The following LGALSL variants were observed in gnomAD, a reference collection of about 807,000 sequenced individuals.
The protein encoded by LGALSL is galectin like, also known as galectin-related protein.
In LGALSL, 13 loss-of-function variants were observed where a neutral mutation model predicts 19.5. That is an observed-to-expected ratio of 0.67 (90% CI 0.43 to 1.06). The LOEUF (loss-of-function observed/expected upper bound fraction) is 1.06. Among genes scored for constraint, LGALSL ranks in the 50% least tolerant of loss-of-function variants. The pLI is 0.00. For synonymous variants in LGALSL, 86 were observed against 78.3 expected (o/e 1.10, Z -0.52); for missense variants, 189 against 219.3 (o/e 0.86, Z 0.87).
chr2:64,455,405 T>G lies in LGALSL; in HGVS notation c.98T>G (p.Phe33Cys), dbSNP rs1397698685. The G allele has an allele frequency of 1.2e-6, 2 of 1,612,506 alleles. No homozygotes were observed. The highest frequency in any genetic ancestry group is 1.3e-5 in the African/African-American group (1 of 74,890). Residue 33 changes from phenylalanine (F) to cysteine (C), a missense_variant, in exon 2 of 5, where the codon TTC becomes TGC. Coordinates refer to ENST00000238875, the MANE Select transcript of LGALSL (RefSeq NM_014181.3). The stretch of plus-strand genomic sequence containing the variant: ...TCTCCAGTTCAAGCGGACGTGTACT[T>G]CCCACGACTGGTAAATGATTTTGCT... ...LSSPVQADVY[F>C]PRLIVPFCGH...
rs921983482 is a variant in LGALSL at position 64,461,135 on chromosome 2, A to G, written c.*2707A>G. 2.6e-5 allele frequency: 4 copies of G among 152,200 alleles called. No individual in the cohort carries two copies. The highest frequency in any genetic ancestry group is 6.5e-5 in the Admixed American group (1 of 15,280). The allele number at this position is 152,200 out of a possible 1,614,324, so 9.4% of individuals were successfully genotyped here. On this transcript the variant is annotated 3_prime_UTR_variant, in exon 5 of 5. Transcript: ENST00000238875. ...ACTTTTAGAATTGAGGATTTGTTAA[A>G]ATGGCAAGTCATTTCATTTGTGTTA...
chr2:64,456,239 A>G (rs749505282), intron 3 of LGALSL, 49 bp from the exon 4 acceptor site: 1 of 1,541,318 alleles, frequency 6.5e-7, no homozygotes, highest in Admixed American at 1.9e-5. Flanking sequence ...GGTCATTTTG[A>G]AATGTTTTTA....
At chr2:64,455,738 T>G in intron 3 of LGALSL, 61 bp downstream of exon 3, 1 of 1,281,382 alleles carries the variant, frequency 7.8e-7, no homozygotes, top group Non-Finnish European at 1.1e-6. Flanking sequence ...TGCCCACTTC[T>G]GTTGTGGTTT....
At position 64,461,158 on chromosome 2, in the gene LGALSL, T is replaced by G. The variant is rs527903134; in HGVS notation, c.*2730T>G. 1 of 152,190 alleles carries G rather than the reference T, an allele frequency of 6.6e-6. No individual in the cohort carries two copies. Among genetic ancestry groups the G allele is most frequent in the Non-Finnish European group, 1.5e-5 (1 of 68,020 alleles). The allele number at this position is 152,190 out of a possible 1,614,324, so 9.4% of individuals were successfully genotyped here. Reference sequence around the variant, plus strand: ...AAAATGGCAAGTCATTTCATTTGTGTTAAAAAGAAAATACCCAAAAGGAAG... The same window carrying G: ...AAAATGGCAAGTCATTTCATTTGTGGTAAAAAGAAAATACCCAAAAGGAAG... On this transcript the variant is annotated 3_prime_UTR_variant, in exon 5 of 5. Transcript: ENST00000238875.
Position 64,461,055 on chromosome 2 carries a change from T to G in LGALSL, c.*2627T>G, listed in dbSNP as rs1686817780. The G allele has an allele frequency of 6.6e-6, 1 of 152,200 alleles. No individual in the cohort carries two copies. The highest frequency in any genetic ancestry group is 1.5e-5 in the Non-Finnish European group (1 of 68,038). The allele number at this position is 152,200 out of a possible 1,614,324, so 9.4% of individuals were successfully genotyped here. On this transcript the variant is annotated 3_prime_UTR_variant, in exon 5 of 5. Transcript: ENST00000238875. ...GTATTTTAAAATTATTATTTAAAAT[T>G]TTGAAGCCCCATTTCAAATCTTGCC... is the stretch of plus-strand genomic sequence containing the variant.
chr2:64,458,284 G>C lies in LGALSL; in HGVS notation c.376-1G>C. ...GTGGATTATTATTTTGTTTCTTCCAGGTGGAAATTCTTTGTGAGCACCCAC... is the reference window on the plus strand; with the variant it reads ...GTGGATTATTATTTTGTTTCTTCCACGTGGAAATTCTTTGTGAGCACCCAC... On this transcript the variant is annotated splice_acceptor_variant, in intron 4 of 4. Transcript: ENST00000238875. LOFTEE classifies it high-confidence loss of function. 1 of 1,613,500 alleles carries C rather than the reference G, an allele frequency of 6.2e-7. No homozygotes were observed. The highest frequency in any genetic ancestry group is 8.5e-7 in the Non-Finnish European group (1 of 1,179,708).
At position 64,459,591 on chromosome 2, in the gene LGALSL, G is replaced by A. The variant is rs927296915; in HGVS notation, c.*1163G>A. ...TTCAGAGTAGAAGATGCTTCCTACT[G>A]TGTTGGCTCTGAGGAGATAGTAGGA... On this transcript the variant is annotated 3_prime_UTR_variant, in exon 5 of 5. Coordinates refer to ENST00000238875, the MANE Select transcript of LGALSL (RefSeq NM_014181.3). 2 of 152,188 alleles carry A rather than the reference G, an allele frequency of 1.3e-5. No homozygotes were observed. Among genetic ancestry groups the A allele is most frequent in the South Asian group, 2.1e-4 (1 of 4,834 alleles). The allele number at this position is 152,188 out of a possible 1,614,324, so 9.4% of individuals were successfully genotyped here.
intron 3 of LGALSL, among the ~76,000 whole-genome samples, 168 bp downstream of exon 3, chr2:64,455,845 A>T (rs1489429309): frequency 1.3e-5 from 2 of 152,156 alleles, no homozygotes; most frequent in East Asian, 3.9e-4. Flanking sequence ...AATCCCAGCC[A>T]TCATTTCTCC....
Position 64,456,313 on chromosome 2 carries a change from G to A in LGALSL, c.223G>A (p.Asp75Asn). The change falls in exon 4 of 5, where the codon GAC becomes AAC. Residue 75 changes from aspartate (D) to asparagine (N), a missense_variant. Asp to Asn is a conservative substitution (Grantham distance 23). Around this residue, in one of 3 missense-constraint regions of LGALSL, gnomAD observed 21 missense variants for 51.0 expected, o/e 0.41. Transcript: ENST00000238875. ...ESFAISLTCGDSEDPPADVAI... is the reference protein window; with the variant it reads ...ESFAISLTCGNSEDPPADVAI... ...CTTTGCAATCAGCTTGACCTGTGGGGACTCAGAAGACCCTCCTGCCGATGT... is the reference window on the plus strand; with the variant it reads ...CTTTGCAATCAGCTTGACCTGTGGGAACTCAGAAGACCCTCCTGCCGATGT... The A allele has an allele frequency of 6.2e-7, 1 of 1,612,052 alleles. No homozygotes were observed. Among genetic ancestry groups the A allele is most frequent in the East Asian group, 2.2e-5 (1 of 44,694 alleles).
Position 64,454,491 on chromosome 2 carries a change from C to CG in LGALSL, c.-52dup, listed in dbSNP as rs2103704624. ...GCCCCCGCCCCGCGCAGGACAGCCC[C>CG]GGGATCCCCGCCCGCGCGCCGCGTC... is the stretch of plus-strand genomic sequence containing the variant. On this transcript the variant is annotated 5_prime_UTR_variant, in exon 1 of 5. Transcript: ENST00000238875. The surrounding 1 kb of genome is among the most constrained non-coding windows in gnomAD (Gnocchi z 5.1). 8.0e-7 allele frequency: 1 copy of CG among 1,254,512 alleles called. No individual in the cohort carries two copies. Among genetic ancestry groups the CG allele is most frequent in the African/African-American group, 1.6e-5 (1 of 63,194 alleles). 77.7% of individuals were successfully genotyped at this position (1,254,512 alleles called of 1,614,324 possible).
intron 4 of LGALSL, among the ~76,000 whole-genome samples, chr2:64,457,663 A>G (rs1686758125): frequency 6.6e-6 from 1 of 152,174 alleles, no homozygotes; most frequent in African/African-American, 2.4e-5. Flanking sequence ...CATTCTGGGG[A>G]AAATAAGAAT....
rs890136946 is a variant in LGALSL, at chr2:64,454,865, G to T, written c.36+284G>T. On this transcript the variant is annotated intron_variant, in intron 1 of 4. Coordinates refer to ENST00000238875, the MANE Select transcript of LGALSL (RefSeq NM_014181.3). The surrounding 1 kb of genome is among the most constrained non-coding windows in gnomAD (Gnocchi z 5.1). ...TCTGTGCCGTGCAACCGCCAGCCAG[G>T]TGTGCGCGTGGGTGAGTGTGTCCGG... Among the ~76,000 whole-genome samples, 1 of 151,280 alleles carries T rather than the reference G, an allele frequency of 6.6e-6. No homozygotes were observed. The highest frequency in any genetic ancestry group is 2.4e-5 in the African/African-American group (1 of 41,176).
chr2:64,455,517 C>A, intron 2 of LGALSL, 72 bp from the exon 3 acceptor site: 1 of 1,503,446 alleles, frequency 6.7e-7, no homozygotes, highest in Non-Finnish European at 9.3e-7. Flanking sequence ...TGGGTCAGGC[C>A]TTCAGGGTCT....
Position 64,459,386 on chromosome 2 carries a change from T to C in LGALSL, c.*958T>C, listed in dbSNP as rs1686783236. ...TTGCTTAGACAATTTTTAAAGTGAC[T>C]ATAGTATAAACTTTTAAAAGAATAA... On this transcript the variant is annotated 3_prime_UTR_variant, in exon 5 of 5. Transcript: ENST00000238875. 1 of 152,232 alleles carries C rather than the reference T, an allele frequency of 6.6e-6. No individual in the cohort carries two copies. The highest frequency in any genetic ancestry group is 1.5e-5 in the Non-Finnish European group (1 of 68,034). 9.4% of individuals were successfully genotyped at this position (152,232 alleles called of 1,614,324 possible).
In LGALSL at chr2:64,458,488, G is replaced by T; in HGVS notation, c.*60G>T. On this transcript the variant is annotated 3_prime_UTR_variant, in exon 5 of 5. Transcript: ENST00000238875. ...CCACAACTATCTGACTGTTGGTCTG[G>T]AAGAAGTGTCCTAGCAAGATCTGGA... is the stretch of plus-strand genomic sequence containing the variant. 1.3e-6 allele frequency: 2 copies of T among 1,509,452 alleles called. No homozygotes were observed. The highest frequency in any genetic ancestry group is 9.1e-7 in the Non-Finnish European group (1 of 1,101,194). 93.5% of individuals were successfully genotyped at this position (1,509,452 alleles called of 1,614,324 possible).
chr2:64,461,155 G>A lies in LGALSL; in HGVS notation c.*2727G>A, dbSNP rs1345132664. The A allele has an allele frequency of 2.0e-5, 3 of 152,164 alleles. No individual in the cohort carries two copies. Among genetic ancestry groups the A allele is most frequent in the Non-Finnish European group, 4.4e-5 (3 of 68,020 alleles). 9.4% of individuals were successfully genotyped at this position (152,164 alleles called of 1,614,324 possible). A position where few individuals can be genotyped will look rare whatever the true frequency, so the allele number is the denominator to read the frequency against. On this transcript the variant is annotated 3_prime_UTR_variant, in exon 5 of 5. Transcript: ENST00000238875. Reference sequence around the variant, plus strand: ...GTTAAAATGGCAAGTCATTTCATTTGTGTTAAAAAGAAAATACCCAAAAGG... The same window carrying A: ...GTTAAAATGGCAAGTCATTTCATTTATGTTAAAAAGAAAATACCCAAAAGG...
In LGALSL at chr2:64,458,488, G is replaced by A. The variant is rs1686771623; in HGVS notation, c.*60G>A. Reference sequence around the variant, plus strand: ...CCACAACTATCTGACTGTTGGTCTGGAAGAAGTGTCCTAGCAAGATCTGGA... The same window carrying A: ...CCACAACTATCTGACTGTTGGTCTGAAAGAAGTGTCCTAGCAAGATCTGGA... On this transcript the variant is annotated 3_prime_UTR_variant, in exon 5 of 5. Coordinates refer to ENST00000238875, the MANE Select transcript of LGALSL (RefSeq NM_014181.3). The A allele has an allele frequency of 1.3e-6, 2 of 1,509,334 alleles. No homozygotes were observed. The highest frequency in any genetic ancestry group is 1.8e-6 in the Non-Finnish European group (2 of 1,101,202). The allele number at this position is 1,509,334 out of a possible 1,614,324, so 93.5% of individuals were successfully genotyped here.
rs1183240356 is a variant in LGALSL, at chr2:64,460,189, C to G, written c.*1761C>G. The G allele has an allele frequency of 6.6e-6, 1 of 152,026 alleles. No homozygotes were observed. Among genetic ancestry groups the G allele is most frequent in the Non-Finnish European group, 1.5e-5 (1 of 68,004 alleles). The allele number at this position is 152,026 out of a possible 1,614,324, so 9.4% of individuals were successfully genotyped here. A position where few individuals can be genotyped will look rare whatever the true frequency, so the allele number is the denominator to read the frequency against. On this transcript the variant is annotated 3_prime_UTR_variant, in exon 5 of 5. Coordinates refer to ENST00000238875, the MANE Select transcript of LGALSL (RefSeq NM_014181.3). ...ACTTTGAAACTGTTTAGCACAGTTCCATTGTATTATATAAGAAGACACTGT... is the reference window on the plus strand; with the variant it reads ...ACTTTGAAACTGTTTAGCACAGTTCGATTGTATTATATAAGAAGACACTGT...
At position 64,454,448 on chromosome 2, in the gene LGALSL, G is replaced by C. The variant is rs973360119; in HGVS notation, c.-98G>C. ...TCGTGTGTGCGCGCGCCCGCCGCCAGCTCGGACCCGCGCCCCCGCCCCCGC... is the reference window on the plus strand; with the variant it reads ...TCGTGTGTGCGCGCGCCCGCCGCCACCTCGGACCCGCGCCCCCGCCCCCGC... On this transcript the variant is annotated 5_prime_UTR_variant, in exon 1 of 5. Transcript: ENST00000238875. The surrounding 1 kb of genome is among the most constrained non-coding windows in gnomAD (Gnocchi z 5.1). 5 of 586,212 alleles carry C rather than the reference G, an allele frequency of 8.5e-6. No individual in the cohort carries two copies. The African/African-American group carries it at 1.0e-4, about 12-fold the overall frequency. 36.3% of individuals were successfully genotyped at this position (586,212 alleles called of 1,614,324 possible).
Sources: gnomAD v4.1 joint callset for allele counts (sites outside exome capture counted in the v4.1 genomes callset) on GRCh38, gnomAD v4.1.1 for gene constraint, gnomAD v4.1.1 regional missense constraint, Gnocchi (gnomAD v3.1) non-coding constraint, MANE v1.5 for transcripts, NCBI Gene and HGNC (gene_info 2026-07-23, HGNC 2026-07-21) for gene names.